The following CAST variants were observed in gnomAD, a reference collection of about 807,000 sequenced individuals.
The protein encoded by CAST is MIR583 host.
Under a neutral mutation model 119.6 loss-of-function variants are expected in CAST, and 76 were observed. The ratio of observed to expected loss-of-function variants is 0.64; its 90% CI spans 0.53 to 0.77. The LOEUF (loss-of-function observed/expected upper bound fraction) is 0.77, where lower values mean the gene tolerates loss of function less well. Among genes scored for constraint, CAST ranks in the 30% least tolerant of loss-of-function variants. The pLI is 0.00. For synonymous variants in CAST, 319 were observed against 331.6 expected (o/e 0.96, Z 0.41); for missense variants, 953 against 946.5 (o/e 1.01, Z -0.09).
the CAST span, among the ~76,000 whole-genome samples, chr5:96,212,785 C>T: frequency 7.9e-5 from 12 of 152,054 alleles, no homozygotes; most frequent in African/African-American, 2.2e-4. Flanking sequence ...CACACATTTA[C>T]GACTTCTATG....
At chr5:96,587,240 A>G (rs1468179982) in intron 1 of CAST, among the ~76,000 whole-genome samples, 1 of 152,210 alleles carries the variant, frequency 6.6e-6, no homozygotes, top group Non-Finnish European at 1.5e-5. Context: ...GCAACCCATT[A>G]CAGCCGCTCA....
chr5:96,563,299 A>G (rs967991769), intron 1 of CAST, among the ~76,000 whole-genome samples: 1 of 152,114 alleles, frequency 6.6e-6, no homozygotes, highest in Non-Finnish European at 1.5e-5. Flanking sequence ...CATGTGTATT[A>G]TTTTCTCTTG....
chr5:96,243,203 T>C, the CAST span, among the ~76,000 whole-genome samples: 1 of 150,780 alleles, frequency 6.6e-6, no homozygotes, highest in Non-Finnish European at 1.5e-5. Flanking sequence ...TCTTTACAGG[T>C]CAAACATTGG....
chr5:96,189,176 C>T, the CAST span, among the ~76,000 whole-genome samples: 9 of 152,050 alleles, frequency 5.9e-5, no homozygotes, highest in East Asian at 1.9e-4. Flanking sequence ...TTGGATTTTT[C>T]CACTGTTTCC....
At chr5:96,121,740 T>A in the CAST span, among the ~76,000 whole-genome samples, 1 of 152,056 alleles carries the variant, frequency 6.6e-6, no homozygotes, top group East Asian at 1.9e-4. Context: ...GCTTGCTGGG[T>A]CAGTGAGAAA....
chr5:96,187,213 G>A, the CAST span, among the ~76,000 whole-genome samples: 1 of 151,748 alleles, frequency 6.6e-6, no homozygotes, highest in East Asian at 1.9e-4. Context: ...TATCATTTTT[G>A]GTTGTGTTTA....
the CAST span, among the ~76,000 whole-genome samples, chr5:96,352,024 C>A: frequency 5.9e-5 from 9 of 152,116 alleles, no homozygotes; most frequent in African/African-American, 2.2e-4. Context: ...CCTCACCATA[C>A]AGTCACATCT....
intron 1 of CAST, among the ~76,000 whole-genome samples, chr5:96,644,147 G>A (rs992527077): frequency 3.3e-5 from 5 of 152,068 alleles, no homozygotes; most frequent in Non-Finnish European, 7.4e-5. Flanking sequence ...AAAAACCATG[G>A]AATTGTATAC....
chr5:96,106,333 C>G, the CAST span, among the ~76,000 whole-genome samples: 1 of 152,108 alleles, frequency 6.6e-6, no homozygotes, highest in Admixed American at 6.6e-5. Flanking sequence ...AATTTTGGAT[C>G]TTTCCTGCTT....
chr5:96,159,579 G>A, the CAST span, among the ~76,000 whole-genome samples: 6 of 151,968 alleles, frequency 3.9e-5, no homozygotes, highest in Non-Finnish European at 5.9e-5. Context: ...ACATATACAG[G>A]CAGATTAAGT....
At chr5:96,517,708 A>C in the CAST span, among the ~76,000 whole-genome samples, 9 of 152,200 alleles carry the variant, frequency 5.9e-5, no homozygotes, top group Non-Finnish European at 1.2e-4. Context: ...CCAAGTTTAG[A>C]GGGTCAGGTG....
At chr5:96,178,059 A>T in the CAST span, among the ~76,000 whole-genome samples, 1 of 152,256 alleles carries the variant, frequency 6.6e-6, no homozygotes, top group Non-Finnish European at 1.5e-5. Flanking sequence ...TTCAAACATG[A>T]GAAGAACTCA....
the CAST span, among the ~76,000 whole-genome samples, chr5:96,496,038 T>C: frequency 6.6e-6 from 1 of 152,182 alleles, no homozygotes; most frequent in Admixed American, 6.5e-5. Context: ...TATTTTCATA[T>C]GTGATAAAAA....
the CAST span, among the ~76,000 whole-genome samples, chr5:96,166,068 A>G: frequency 2.5e-4 from 38 of 152,324 alleles, 1 homozygote; most frequent in South Asian, 5.2e-3. Flanking sequence ...GCTTTTGCCA[A>G]TATCTGTGAG....
chr5:96,095,866 C>T, the CAST span, among the ~76,000 whole-genome samples: 1 of 152,058 alleles, frequency 6.6e-6, no homozygotes, highest in Non-Finnish European at 1.5e-5. Context: ...ATTATTAATT[C>T]TAGTGTTTAG....
intron 20 of CAST, among the ~76,000 whole-genome samples, chr5:96,752,998 ATT>A (rs549504641): frequency 2.1e-5 from 3 of 140,030 alleles, no homozygotes; most frequent in Admixed American, 7.1e-5. Flanking sequence ...ACACTCTTAC[ATT>A]TTTTTTTTTT....
At chr5:96,583,112 G>A (rs1746795813) in intron 1 of CAST, among the ~76,000 whole-genome samples, 1 of 152,030 alleles carries the variant, frequency 6.6e-6, no homozygotes, top group South Asian at 2.1e-4. Flanking sequence ...TGGTTTTTAT[G>A]GCTGTCCTTC....
chr5:96,108,942 G>C, the CAST span, among the ~76,000 whole-genome samples: 3 of 152,252 alleles, frequency 2.0e-5, no homozygotes, highest in African/African-American at 7.2e-5. Context: ...CGTTTTTTAA[G>C]CCCATCGGAA....
At chr5:96,323,011 A>G in the CAST span, among the ~76,000 whole-genome samples, 1 of 152,132 alleles carries the variant, frequency 6.6e-6, no homozygotes, top group Non-Finnish European at 1.5e-5. Flanking sequence ...ATACGGTGGC[A>G]TGAAGGCTTT....
Sources: gnomAD v4.1 joint callset for allele counts (sites outside exome capture counted in the v4.1 genomes callset) on GRCh38, gnomAD v4.1.1 for gene constraint, MANE v1.5 for transcripts, NCBI Gene and HGNC (gene_info 2026-07-23, HGNC 2026-07-21) for gene names.